Variants in TUBGCP3 observed in about 807,000 individuals in gnomAD.
TUBGCP3 encodes the protein tubulin gamma complex component 3, also known as gamma-tubulin complex component 3.
A neutral mutation model predicts 123.1 loss-of-function variants in TUBGCP3; 50 were observed. The observed-to-expected ratio is 0.41, with a 90% confidence interval of 0.32 to 0.51. TUBGCP3 has a LOEUF of 0.51. Among genes scored for constraint, TUBGCP3 ranks in the 20% least tolerant of loss-of-function variants. TUBGCP3 has a pLI of 0.36. For synonymous variants in TUBGCP3, 405 were observed against 413.9 expected (o/e 0.98, Z 0.26); for missense variants, 882 against 1,127.0 (o/e 0.78, Z 3.11).
At chr13:112,548,764 T>C (rs1879287833) in intron 8 of TUBGCP3, among the ~76,000 whole-genome samples, 1 of 152,174 alleles carries the variant, frequency 6.6e-6, no homozygotes, top group African/African-American at 2.4e-5. Flanking sequence ...ATCAGAGACA[T>C]GCAAATCAAA....
At chr13:112,515,840 G>A (rs1876075697) in intron 17 of TUBGCP3, among the ~76,000 whole-genome samples, 1 of 152,204 alleles carries the variant, frequency 6.6e-6, no homozygotes, top group African/African-American at 2.4e-5. Context: ...TGGTAAAGAA[G>A]CAGAGATCAT....
chr13:112,599,160 T>C, the TUBGCP3 span, among the ~76,000 whole-genome samples: 1 of 152,228 alleles, frequency 6.6e-6, no homozygotes, highest in African/African-American at 2.4e-5. Context: ...GGGTGCATAC[T>C]GTCAACACGA....
chr13:112,491,287 A>G (rs185879506), intron 20 of TUBGCP3, among the ~76,000 whole-genome samples: 7 of 152,158 alleles, frequency 4.6e-5, no homozygotes, highest in African/African-American at 1.4e-4. Context: ...GAATTTTCAT[A>G]TTTCCTTATT....
At chr13:112,554,405 C>A (rs1437431444) in intron 7 of TUBGCP3, among the ~76,000 whole-genome samples, 1 of 152,200 alleles carries the variant, frequency 6.6e-6, no homozygotes, top group African/African-American at 2.4e-5. Context: ...CACCACCCTG[C>A]AGTTGGCCTG....
Position 112,516,544 on chromosome 13 carries a change from A to C in TUBGCP3, c.1982T>G (p.Leu661Arg). ...CCTCCAGAGGAAGTTAAATACTCTT[A>C]GGTAGTGGCTCATACATTCTCGAGT... Reference protein sequence around the residue: ...VFTRECMSHYLRVFNFLWRAK... With the variant: ...VFTRECMSHYRRVFNFLWRAK... Residue 661 changes from leucine (L) to arginine (R), a missense_variant, in exon 17 of 22, where the codon CTA becomes CGA. By Grantham distance (102) the Leu-to-Arg change is moderately radical. This residue lies in a region of TUBGCP3 where 713 missense variants were observed against 874.0 expected (regional missense o/e 0.82). Transcript: ENST00000261965. 6.2e-7 allele frequency: 1 copy of C among 1,614,134 alleles called. No homozygotes were observed. Among genetic ancestry groups the C allele is most frequent in the Non-Finnish European group, 8.5e-7 (1 of 1,180,004 alleles).
At chr13:112,533,428 A>G (rs1269329009) in intron 11 of TUBGCP3, among the ~76,000 whole-genome samples, 1 of 152,172 alleles carries the variant, frequency 6.6e-6, no homozygotes, top group Non-Finnish European at 1.5e-5. Flanking sequence ...TCCTGTTCCA[A>G]CTTGGGCCTC....
intron 21 of TUBGCP3, among the ~76,000 whole-genome samples, chr13:112,488,970 G>A (rs1396318222): frequency 7.5e-6 from 1 of 132,506 alleles, no homozygotes; most frequent in African/African-American, 2.9e-5. Flanking sequence ...CCACAGGGGA[G>A]CAAAGGGGTC....
intron 9 of TUBGCP3, 128 bp downstream of exon 9, chr13:112,547,980 A>T (rs186843924): frequency 5.5e-6 from 5 of 914,716 alleles, no homozygotes; most frequent in Non-Finnish European, 6.2e-6. Flanking sequence ...AAACCTTACA[A>T]ATAATATTAT....
At chr13:112,507,969 CA>C (rs2139016503) in intron 17 of TUBGCP3, among the ~76,000 whole-genome samples, 1 of 152,254 alleles carries the variant, frequency 6.6e-6, no homozygotes, top group South Asian at 2.1e-4. Context: ...TGAATGGCCA[CA>C]AAACAAAACA....
intron 2 of TUBGCP3, among the ~76,000 whole-genome samples, chr13:112,567,394 G>C (rs758536813): frequency 6.6e-5 from 10 of 152,156 alleles, no homozygotes; most frequent in Admixed American, 5.2e-4. Flanking sequence ...TGCTCACCAC[G>C]AGGCCATGAA....
the TUBGCP3 span, chr13:112,605,501 T>C: frequency 6.6e-6 from 1 of 152,162 alleles, no homozygotes; most frequent in African/African-American, 2.4e-5. Flanking sequence ...AGTCCACGTG[T>C]CAGCTGCGCC....
intron 17 of TUBGCP3, among the ~76,000 whole-genome samples, chr13:112,512,624 A>G (rs893972776): frequency 4.0e-5 from 6 of 151,714 alleles, no homozygotes; most frequent in Admixed American, 2.6e-4. Context: ...AATTCCAGCT[A>G]CTCATGAGGA....
At chr13:112,509,257 G>A (rs1245581984) in intron 17 of TUBGCP3, among the ~76,000 whole-genome samples, 1 of 152,168 alleles carries the variant, frequency 6.6e-6, no homozygotes, top group Non-Finnish European at 1.5e-5. Flanking sequence ...CGTATCGATT[G>A]ACTGTAAGAT....
chr13:112,523,331 A>C (rs1876778127), intron 13 of TUBGCP3, among the ~76,000 whole-genome samples: 1 of 152,222 alleles, frequency 6.6e-6, no homozygotes, highest in Non-Finnish European at 1.5e-5. Flanking sequence ...TCTTTCCACT[A>C]TCTGAGTTAC....
rs1881685984 is a variant in TUBGCP3 at position 112,511,707 on chromosome 13, T to C, written c.2086+4733A>G. Among the ~76,000 whole-genome samples, 1 of 152,164 alleles carries C rather than the reference T, an allele frequency of 6.6e-6. No individual in the cohort carries two copies. Among genetic ancestry groups the C allele is most frequent in the Non-Finnish European group, 1.5e-5 (1 of 68,030 alleles). On this transcript the variant is annotated intron_variant, in intron 17 of 21. Coordinates refer to ENST00000261965, the MANE Select transcript of TUBGCP3 (RefSeq NM_006322.6). The surrounding 1 kb of genome is among the most constrained non-coding windows in gnomAD (Gnocchi z 4.1). ...TGTAGTATGAGCTATTAAACCTTCA[T>C]TTACCTTATTATTCGATATATTGGG...
chr13:112,534,293 TC>T (rs1346447343), intron 11 of TUBGCP3, among the ~76,000 whole-genome samples: 5 of 152,114 alleles, frequency 3.3e-5, no homozygotes, highest in Non-Finnish European at 7.4e-5. Flanking sequence ...ACGCCTGTAA[TC>T]CCAGCACTCT....
intron 8 of TUBGCP3, among the ~76,000 whole-genome samples, chr13:112,550,068 C>T (rs9550141): frequency 0.16 from 23,813 of 151,038 alleles, 2,093 homozygotes; most frequent in Non-Finnish European, 0.2. Flanking sequence ...AGAAGAGGCA[C>T]CCTGATACAC....
intron 6 of TUBGCP3, 145 bp from the exon 7 acceptor site, chr13:112,555,150 G>C: frequency 3.3e-6 from 2 of 598,124 alleles, no homozygotes; most frequent in Non-Finnish European, 5.8e-6. Flanking sequence ...ATGAAAAAGA[G>C]TATGAGATTA....
chr13:112,547,537 C>T, intron 10 of TUBGCP3, 83 bp downstream of exon 10: 2 of 1,175,850 alleles, frequency 1.7e-6, no homozygotes, highest in South Asian at 2.3e-5. Context: ...GAAAGACGTG[C>T]ATGGGAAAGT....
Sources: gnomAD v4.1 joint callset for allele counts (sites outside exome capture counted in the v4.1 genomes callset) on GRCh38, gnomAD v4.1.1 for gene constraint, gnomAD v4.1.1 regional missense constraint, Gnocchi (gnomAD v3.1) non-coding constraint, MANE v1.5 for transcripts, NCBI Gene and HGNC (gene_info 2026-07-23, HGNC 2026-07-21) for gene names.